Variants in GNG12 observed in about 807,000 individuals in gnomAD.
The protein encoded by GNG12 is G protein subunit gamma 12, also known as guanine nucleotide-binding protein G(I)/G(S)/G(O) subunit gamma-12.
For synonymous variants in GNG12, 28 were observed against 29.7 expected (o/e 0.94, Z 0.19); for missense variants, 69 against 83.8 (o/e 0.82, Z 0.69).
At chr1:67,762,025 G>C (rs1334359267) in intron 2 of GNG12, among the ~76,000 whole-genome samples, 1 of 152,192 alleles carries the variant, frequency 6.6e-6, no homozygotes, top group Non-Finnish European at 1.5e-5. Context: ...AGGGCCTCCA[G>C]AATGATACTC....
At chr1:67,710,208 ATATATATAGTTATATATATATAGT>A (rs1646286634) in intron 2 of GNG12, among the ~76,000 whole-genome samples, 2 of 93,184 alleles carry the variant, frequency 2.1e-5, no homozygotes, top group Non-Finnish European at 3.9e-5. Context: ...ATATATAGTT[ATATATATAGTTATATATATATAGT>A]TATATATATA....
chr1:67,724,197 G>C (rs895794244), intron 2 of GNG12, among the ~76,000 whole-genome samples: 1 of 152,110 alleles, frequency 6.6e-6, no homozygotes, highest in Non-Finnish European at 1.5e-5. Flanking sequence ...TGTGCAAAGA[G>C]GGTAACTGAG....
At chr1:67,808,956 G>A (rs11209157) in intron 1 of GNG12, among the ~76,000 whole-genome samples, 34,251 of 151,974 alleles carry the variant, frequency 0.23, 4,303 homozygotes, top group East Asian at 0.4. Flanking sequence ...AAAGTATTAC[G>A]AAGAAGCAAA....
chr1:67,766,605 G>GT (rs746565686), intron 2 of GNG12, among the ~76,000 whole-genome samples: 14,174 of 138,540 alleles, frequency 0.1, 782 homozygotes, highest in African/African-American at 0.14. Context: ...ATATGTTGGT[G>GT]TTTTTTTTTT....
intron 2 of GNG12, among the ~76,000 whole-genome samples, chr1:67,723,646 T>C (rs1312416826): frequency 6.6e-6 from 1 of 152,208 alleles, no homozygotes; most frequent in Non-Finnish European, 1.5e-5. Flanking sequence ...AACAATGCTA[T>C]GAGGTTATTC....
chr1:67,789,479 A>G (rs1400327591), intron 1 of GNG12, among the ~76,000 whole-genome samples: 1 of 152,236 alleles, frequency 6.6e-6, no homozygotes, highest in Non-Finnish European at 1.5e-5. Flanking sequence ...CTGATGATAT[A>G]ACTATGATTC....
At chr1:67,784,235 A>C (rs1443993685) in intron 1 of GNG12, among the ~76,000 whole-genome samples, 1 of 148,198 alleles carries the variant, frequency 6.7e-6, no homozygotes, top group Non-Finnish European at 1.5e-5. Flanking sequence ...CAAACACCAC[A>C]TATTCTCACT....
intron 2 of GNG12, among the ~76,000 whole-genome samples, chr1:67,735,389 C>T (rs1004166971): frequency 6.6e-6 from 1 of 152,138 alleles, no homozygotes; most frequent in Non-Finnish European, 1.5e-5. Flanking sequence ...GATCATTGTT[C>T]TGCTGATCAC....
At chr1:67,754,069 T>C (rs931261065) in intron 2 of GNG12, among the ~76,000 whole-genome samples, 1 of 152,144 alleles carries the variant, frequency 6.6e-6, no homozygotes, top group African/African-American at 2.4e-5. Context: ...CAACTTTCTG[T>C]TCCCGGTCGT....
intron 2 of GNG12, among the ~76,000 whole-genome samples, chr1:67,717,388 T>C (rs1646332158): frequency 6.6e-6 from 1 of 151,952 alleles, no homozygotes; most frequent in Non-Finnish European, 1.5e-5. Flanking sequence ...TGGTGGTGCA[T>C]GCCTATAGTC....
chr1:67,731,854 C>T (rs911601520), intron 2 of GNG12, among the ~76,000 whole-genome samples: 7 of 152,098 alleles, frequency 4.6e-5, no homozygotes, highest in Non-Finnish European at 7.4e-5. Context: ...CTTCATAATA[C>T]GGTTATTTTG....
intron 2 of GNG12, among the ~76,000 whole-genome samples, chr1:67,717,361 GAAA>G (rs1377104207): frequency 6.6e-6 from 1 of 151,994 alleles, no homozygotes; most frequent in Non-Finnish European, 1.5e-5. Context: ...CTAAAAAAAG[GAAA>G]AATCAGCCGG....
intron 1 of GNG12, among the ~76,000 whole-genome samples, chr1:67,828,948 C>A (rs1327415364): frequency 2.0e-5 from 3 of 152,302 alleles, no homozygotes; most frequent in Middle Eastern, 3.4e-3. Flanking sequence ...ACAATAAAAT[C>A]CTGCTATTTG....
At chr1:67,741,675 A>AT (rs1646483496) in intron 2 of GNG12, among the ~76,000 whole-genome samples, 1 of 152,248 alleles carries the variant, frequency 6.6e-6, no homozygotes, top group Non-Finnish European at 1.5e-5. Flanking sequence ...AAAATACTGT[A>AT]TAACTTGAAA....
chr1:67,829,959 A>T (rs1395857900), intron 1 of GNG12, among the ~76,000 whole-genome samples: 2 of 151,842 alleles, frequency 1.3e-5, no homozygotes, highest in Admixed American at 6.6e-5. Flanking sequence ...GTGCATTAGG[A>T]CAAAAACAAG....
intron 2 of GNG12, among the ~76,000 whole-genome samples, chr1:67,759,932 T>C (rs1445968419): frequency 6.6e-6 from 1 of 152,228 alleles, no homozygotes; most frequent in African/African-American, 2.4e-5. Flanking sequence ...AACCTGATAC[T>C]GATACCCTGT....
chr1:67,780,535 A>T (rs753964365), intron 1 of GNG12, among the ~76,000 whole-genome samples: 1 of 152,200 alleles, frequency 6.6e-6, no homozygotes, highest in Non-Finnish European at 1.5e-5. Context: ...GGTACTTGGT[A>T]TATCGTAGAT....
chr1:67,750,707 GC>G (rs1239711816), intron 2 of GNG12, among the ~76,000 whole-genome samples: 1 of 152,154 alleles, frequency 6.6e-6, no homozygotes, highest in Non-Finnish European at 1.5e-5. Flanking sequence ...TATAACTGGG[GC>G]TTAGGTTTCC....
At chr1:67,810,019 T>C (rs1326665923) in intron 1 of GNG12, among the ~76,000 whole-genome samples, 1 of 152,168 alleles carries the variant, frequency 6.6e-6, no homozygotes, top group Non-Finnish European at 1.5e-5. Context: ...GAAACCAAAA[T>C]GTCCTTTAGT....
Sources: allele counts gnomAD v4.1 joint callset (sites outside exome capture counted in the v4.1 genomes callset), GRCh38; gene constraint gnomAD v4.1.1; transcripts MANE v1.5; gene names NCBI Gene and HGNC (gene_info 2026-07-23, HGNC 2026-07-21).